OSR1: variants seen among roughly 807,000 people sequenced by gnomAD.
The protein encoded by OSR1 is odd-skipped related transcription factor 1.
OSR1 carries 3 observed loss-of-function variants against 15.7 expected under a neutral mutation model. The observed-to-expected ratio is 0.19, with a 90% CI of 0.09 to 0.50. The LOEUF (loss-of-function observed/expected upper bound fraction) is 0.50. Among genes scored for constraint, OSR1 ranks in the 20% least tolerant of loss-of-function variants. OSR1 has a pLI of 0.97. For synonymous variants in OSR1, 166 were observed against 152.7 expected (o/e 1.09, Z -0.64); for missense variants, 271 against 351.1 (o/e 0.77, Z 1.82).
chr2:19,349,557 G>C (rs1196769216), downstream of OSR1, among the ~76,000 whole-genome samples: 4 of 152,198 alleles, frequency 2.6e-5, no homozygotes, highest in African/African-American at 9.7e-5. Context: ...TGGACTGGGT[G>C]GGTTTTCACA....
chr2:19,354,444 GAA>G (rs1664910343), intron 1 of OSR1: 1 of 151,020 alleles, frequency 6.6e-6, no homozygotes, highest in African/African-American at 2.5e-5. Flanking sequence ...TTGCACCCAT[GAA>G]GAGCCTCACA....
downstream of OSR1, among the ~76,000 whole-genome samples, chr2:19,350,680 A>G (rs531179164): frequency 2.6e-5 from 4 of 152,194 alleles, no homozygotes; most frequent in East Asian, 2.0e-4. Context: ...CCTTGCCCCA[A>G]GGAGAAGAGC....
chr2:19,347,045 A>G (rs890413804), downstream of OSR1, among the ~76,000 whole-genome samples: 1 of 152,200 alleles, frequency 6.6e-6, no homozygotes, highest in Non-Finnish European at 1.5e-5. Flanking sequence ...GTCATTGAAA[A>G]AAGGCTTTTT....
rs1450461261 is a variant in OSR1, at chr2:19,357,694, G to T, written c.-33+647C>A. 1 of 152,292 alleles carries T rather than the reference G, an allele frequency of 6.6e-6. No homozygotes were observed. Among genetic ancestry groups the T allele is most frequent in the East Asian group, 1.9e-4 (1 of 5,184 alleles). 9.4% of individuals were successfully genotyped at this position (152,292 alleles called of 1,614,324 possible). A position where few individuals can be genotyped will look rare whatever the true frequency, so the allele number is the denominator to read the frequency against. ...GCCTCCCTGCACCAGGACAATCAAG[G>T]GTTCCGCTCCAGGCCTTGACGACAC... is the stretch of plus-strand genomic sequence containing the variant. On this transcript the variant is annotated intron_variant, in intron 1 of 2. Coordinates refer to ENST00000272223, the MANE Select transcript of OSR1 (RefSeq NM_145260.3). This position sits in a 1 kb window ranked among gnomAD's most constrained non-coding sequence, Gnocchi z 5.0.
At chr2:19,354,465 A>G (rs924929050) in intron 1 of OSR1, 1 of 152,248 alleles carries the variant, frequency 6.6e-6, no homozygotes, top group Non-Finnish European at 1.5e-5. Context: ...CAGACAACAC[A>G]CATACACAGG....
downstream of OSR1, among the ~76,000 whole-genome samples, chr2:19,348,197 G>C (rs1047247524): frequency 6.6e-6 from 1 of 152,126 alleles, no homozygotes; most frequent in Non-Finnish European, 1.5e-5. Context: ...ACTGATTCAA[G>C]AAGAGGACGC....
the OSR1 span, among the ~76,000 whole-genome samples, chr2:19,346,388 G>A: frequency 6.6e-6 from 1 of 152,230 alleles, no homozygotes; most frequent in Non-Finnish European, 1.5e-5. Flanking sequence ...GACTGGGTGA[G>A]AGGACCATTC....
downstream of OSR1, among the ~76,000 whole-genome samples, chr2:19,347,989 G>A (rs780060984): frequency 1.3e-5 from 2 of 152,248 alleles, no homozygotes; most frequent in South Asian, 2.1e-4. Context: ...TCCACGCACC[G>A]CCGTCAGCTT....
intron 2 of OSR1, 77 bp from the exon 3 acceptor site, chr2:19,352,487 T>A: frequency 2.6e-6 from 4 of 1,525,926 alleles, no homozygotes; most frequent in African/African-American, 1.4e-5. Context: ...CCCCTCCCAC[T>A]GCTGTGGGGC....
chr2:19,354,018 C>A (rs138997164), intron 1 of OSR1, 181 bp from the exon 2 acceptor site: 60 of 586,044 alleles, frequency 1.0e-4, no homozygotes, highest in African/African-American at 9.8e-4. Flanking sequence ...ATGTAAGACG[C>A]AGGGGAGCCC....
rs772152292 is a variant in OSR1 at position 19,352,239 on chromosome 2, G to A, written c.*36C>T. The A allele has an allele frequency of 7.5e-6, 12 of 1,608,988 alleles. No individual in the cohort carries two copies. The Admixed American group carries it at 1.7e-4, about 22-fold the overall frequency. On this transcript the variant is annotated 3_prime_UTR_variant, in exon 3 of 3. Transcript: ENST00000272223. ...TCTGGTCCCTATGGAGGAGAGGGCC[G>A]CTGGGCCTAGGGTCCTTGTGACCCA...
chr2:19,355,226 C>G (rs1664924938), intron 1 of OSR1: 1 of 152,368 alleles, frequency 6.6e-6, no homozygotes, highest in African/African-American at 2.4e-5. Context: ...ACTCCCTTCT[C>G]TCTTGCCTAG....
chr2:19,349,290 C>CG (rs1664792285), downstream of OSR1, among the ~76,000 whole-genome samples: 1 of 152,186 alleles, frequency 6.6e-6, no homozygotes, highest in Non-Finnish European at 1.5e-5. Context: ...CAGGCCCAGC[C>CG]GGCCTTTCCA....
chr2:19,349,718 A>G (rs77290147), downstream of OSR1, among the ~76,000 whole-genome samples: 9 of 152,158 alleles, frequency 5.9e-5, no homozygotes, highest in Admixed American at 5.9e-4. Flanking sequence ...GAGGGATGTC[A>G]GGGGCTAGGG....
At chr2:19,347,142 G>T (rs1246759418), downstream of OSR1, among the ~76,000 whole-genome samples, 2 of 152,134 alleles carry the variant, frequency 1.3e-5, no homozygotes, top group Admixed American at 1.3e-4. Context: ...ATAAAGATGG[G>T]GGTGGTATCT....
At chr2:19,358,291 T>A (rs1201914157) in intron 1 of OSR1, 50 bp downstream of exon 1, 1 of 152,420 alleles carries the variant, frequency 6.6e-6, no homozygotes, top group African/African-American at 2.4e-5. Context: ...AACCTGGGAG[T>A]CCTGCCCGCA....
At chr2:19,354,125 C>A in intron 1 of OSR1, 1 of 306,796 alleles carries the variant, frequency 3.3e-6, no homozygotes, top group Non-Finnish European at 6.1e-6. Context: ...GTATGCAAGA[C>A]ACTGAGAAAG....
In OSR1 at chr2:19,353,098, C is replaced by T. The variant is rs138006261; in HGVS notation, c.665+43G>A. The T allele has an allele frequency of 8.7e-3, 13,928 of 1,598,948 alleles. 71 individuals are homozygous for T. The highest frequency in any genetic ancestry group is 0.011 in the Non-Finnish European group (12,352 of 1,169,892). ...TCGTTAGGGAGAAAGATGGTGAGGC[C>T]AGAGGCAGAGAGCTCTCTCTTGCGC... On this transcript the variant is annotated intron_variant, in intron 2 of 2. Transcript: ENST00000272223.
chr2:19,356,127 C>G (rs1473732455), intron 1 of OSR1: 1 of 152,434 alleles, frequency 6.6e-6, no homozygotes, highest in Non-Finnish European at 1.5e-5. Context: ...CTGTGGGACT[C>G]TGGCCTGCAC....
Sources: gnomAD v4.1 joint callset for allele counts (sites outside exome capture counted in the v4.1 genomes callset) on GRCh38, gnomAD v4.1.1 for gene constraint, Gnocchi (gnomAD v3.1) non-coding constraint, MANE v1.5 for transcripts, NCBI Gene and HGNC (gene_info 2026-07-23, HGNC 2026-07-21) for gene names.